Variants in ZNF419 observed in about 807,000 individuals in gnomAD.
ZNF419 encodes zinc finger protein 419A.
Under a neutral mutation model 14.9 loss-of-function variants are expected in ZNF419, and 8 were observed. The observed-to-expected ratio is 0.54, with a 90% CI of 0.32 to 0.97. The LOEUF is 0.97. Among genes scored for constraint, ZNF419 ranks in the 50% least tolerant of loss-of-function variants. The pLI, the probability that ZNF419 is intolerant of heterozygous loss-of-function variation, is 0.04. For missense variants in ZNF419, 595 were observed against 607.2 expected (o/e 0.98, Z 0.21); for synonymous variants, 211 against 205.3 (o/e 1.03, Z -0.24).
Position 57,487,872 on chromosome 19 carries a change from G to A in ZNF419, c.-79G>A, listed in dbSNP as rs573626222. ...TCTCGCCGCTCAGAGGCGGGTCTGAGGCTCGGTGGCGGCGCCCAGGGTGGC... is the reference window on the plus strand; with the variant it reads ...TCTCGCCGCTCAGAGGCGGGTCTGAAGCTCGGTGGCGGCGCCCAGGGTGGC... On this transcript the variant is annotated 5_prime_UTR_variant, in exon 1 of 5. Coordinates refer to ENST00000221735, the MANE Select transcript of ZNF419 (RefSeq NM_024691.4). 5 of 1,602,824 alleles carry A rather than the reference G, an allele frequency of 3.1e-6. No individual in the cohort carries two copies. In the African/African-American group the frequency reaches 6.7e-5, roughly 21 times the overall value.
At chr19:57,490,647 A>G (rs1490039267) in intron 2 of ZNF419, 2 of 156,382 alleles carry the variant, frequency 1.3e-5, no homozygotes, top group African/African-American at 4.8e-5. Context: ...ACCGTGCCCA[A>G]CCCAGACTAT....
intron 2 of ZNF419, chr19:57,491,261 C>T (rs2089474202): frequency 1.5e-6 from 1 of 647,604 alleles, no homozygotes; most frequent in Admixed American, 2.9e-5. Context: ...CATACCATGC[C>T]CAGAGCTGAG....
intron 2 of ZNF419, 143 bp downstream of exon 2, chr19:57,490,328 G>C (rs2089453905): frequency 4.4e-6 from 3 of 675,474 alleles, no homozygotes; most frequent in Middle Eastern, 4.0e-4. Flanking sequence ...CACACAGTCA[G>C]GGCCCTGAGT....
At chr19:57,489,907 A>T (rs1487202604) in intron 1 of ZNF419, 2 of 526,834 alleles carry the variant, frequency 3.8e-6, no homozygotes, top group South Asian at 4.5e-5. Flanking sequence ...AATGAGTTTG[A>T]TACAAACAAT....
intron 4 of ZNF419, chr19:57,492,474 G>A (rs368018985): frequency 6.8e-5 from 52 of 766,710 alleles, no homozygotes; most frequent in Non-Finnish European, 2.4e-5. Context: ...GCTTATCCTT[G>A]CATAGTCCTT....
intron 4 of ZNF419, 33 bp from the exon 5 acceptor site, chr19:57,492,823 A>G (rs1600138127): frequency 6.2e-7 from 1 of 1,613,546 alleles, no homozygotes; most frequent in East Asian, 2.2e-5. Context: ...ACCAAAGTCT[A>G]CATTTACTTC....
chr19:57,492,079 C>T (rs1234189533), intron 3 of ZNF419, 34 bp from the exon 4 acceptor site: 1 of 1,533,474 alleles, frequency 6.5e-7, no homozygotes, highest in East Asian at 2.3e-5. Context: ...GTCATTCTGG[C>T]TCAGTGCTGC....
chr19:57,488,015 A>G (rs2089397585), intron 1 of ZNF419, 32 bp downstream of exon 1: 1 of 1,613,010 alleles, frequency 6.2e-7, no homozygotes, highest in Admixed American at 1.7e-5. Flanking sequence ...CCTCCCCCGA[A>G]TCCTAAAGCC....
intron 2 of ZNF419, chr19:57,491,211 T>C (rs1324201443): frequency 3.7e-6 from 2 of 541,946 alleles, no homozygotes; most frequent in Non-Finnish European, 6.6e-6. Flanking sequence ...GTCTAGGGGA[T>C]CCAAGGTAAA....
intron 1 of ZNF419, chr19:57,489,897 A>G (rs1426393435): frequency 5.9e-6 from 3 of 509,764 alleles, no homozygotes; most frequent in Non-Finnish European, 1.1e-5. Flanking sequence ...GACACATAAG[A>G]ATGAGTTTGA....
Position 57,495,356 on chromosome 19 carries a change from C to G in ZNF419, c.*1266C>G, listed in dbSNP as rs2089595630. The stretch of plus-strand genomic sequence containing the variant: ...GCAGATTGTCTTAATTTTATGGAGC[C>G]CAATTTATCCATTTGTTATTTTATT... On this transcript the variant is annotated 3_prime_UTR_variant, in exon 5 of 5. Coordinates refer to ENST00000221735, the MANE Select transcript of ZNF419 (RefSeq NM_024691.4). 6.6e-6 allele frequency: 1 copy of G among 152,092 alleles called. No individual in the cohort carries two copies. The highest frequency in any genetic ancestry group is 1.5e-5 in the Non-Finnish European group (1 of 68,022). 9.4% of individuals were successfully genotyped at this position (152,092 alleles called of 1,614,324 possible).
Position 57,493,283 on chromosome 19 carries a change from T to C in ZNF419, c.726T>C (p.Asp242=). The change falls in exon 5 of 5, where the codon GAT becomes GAC. Residue 242 remains aspartate (D), a synonymous_variant. Coordinates refer to ENST00000221735, the MANE Select transcript of ZNF419 (RefSeq NM_024691.4). ...ECSECGKLFR[D]MSNLFIHQIV... The stretch of plus-strand genomic sequence containing the variant: ...GTGAATGTGGGAAGTTATTTAGAGA[T>C]ATGTCCAACCTTTTTATACACCAAA... 1 of 1,614,182 alleles carries C rather than the reference T, an allele frequency of 6.2e-7. No homozygotes were observed. Among genetic ancestry groups the C allele is most frequent in the African/African-American group, 1.3e-5 (1 of 75,030 alleles).
In ZNF419 at chr19:57,494,186, G is replaced by C. The variant is rs543927593; in HGVS notation, c.*96G>C. On this transcript the variant is annotated 3_prime_UTR_variant, in exon 5 of 5. Transcript: ENST00000221735. ...GAAGGTAACAGATGGAAATCCGTTA[G>C]CCACACCTCCAGTCTCATTCAACAC... 1.3e-6 allele frequency: 2 copies of C among 1,482,094 alleles called. No individual in the cohort carries two copies. The highest frequency in any genetic ancestry group is 2.3e-5 in the East Asian group (1 of 44,128). The allele number at this position is 1,482,094 out of a possible 1,614,324, so 91.8% of individuals were successfully genotyped here. A position where few individuals can be genotyped will look rare whatever the true frequency, so the allele number is the denominator to read the frequency against.
At chr19:57,490,229 C>A in intron 2 of ZNF419, 44 bp downstream of exon 2, 2 of 1,583,848 alleles carry the variant, frequency 1.3e-6, no homozygotes, top group Non-Finnish European at 1.7e-6. Context: ...TGCACTCCTA[C>A]CTACATGGTC....
chr19:57,488,802 G>A (rs1224330253), intron 1 of ZNF419: 3 of 152,206 alleles, frequency 2.0e-5, no homozygotes, highest in African/African-American at 4.8e-5. Flanking sequence ...TCCTATTTAG[G>A]AGGGAGAATC....
chr19:57,492,904 C>T lies in ZNF419; in HGVS notation c.347C>T (p.Ser116Phe), dbSNP rs761396804. The change falls in exon 5 of 5, where the codon TCT becomes TTT. Residue 116 changes from serine (S) to phenylalanine (F), a missense_variant. Transcript: ENST00000221735. ...EAEEAPEQIA[S>F]VGLLSSNIQQ... ...GAGGAGGCTCCTGAGCAGATTGCTT[C>T]TGTAGGACTGCTCAGTTCAAACATT... The T allele has an allele frequency of 2.5e-6, 4 of 1,614,134 alleles. No homozygotes were observed. The highest frequency in any genetic ancestry group is 3.4e-6 in the Non-Finnish European group (4 of 1,179,974).
At position 57,495,779 on chromosome 19, in the gene ZNF419, G is replaced by A. The variant is rs1371738651; in HGVS notation, c.*1689G>A. On this transcript the variant is annotated 3_prime_UTR_variant, in exon 5 of 5. Coordinates refer to ENST00000221735, the MANE Select transcript of ZNF419 (RefSeq NM_024691.4). Reference sequence around the variant, plus strand: ...AAAAAAAAAAAAAAAAGCCTTATGTGAGTATGCTACTGTAATCTTATGAAT... The same window carrying A: ...AAAAAAAAAAAAAAAAGCCTTATGTAAGTATGCTACTGTAATCTTATGAAT... 1 of 134,802 alleles carries A rather than the reference G, an allele frequency of 7.4e-6. No homozygotes were observed. Among genetic ancestry groups the A allele is most frequent in the Non-Finnish European group, 1.5e-5 (1 of 64,872 alleles). The allele number at this position is 134,802 out of a possible 1,614,324, so 8.4% of individuals were successfully genotyped here.
At position 57,487,822 on chromosome 19, in the gene ZNF419, A is replaced by G; in HGVS notation, c.-129A>G. The G allele has an allele frequency of 1.5e-6, 2 of 1,377,138 alleles. No homozygotes were observed. The highest frequency in any genetic ancestry group is 1.8e-4 in the Middle Eastern group (1 of 5,548). The allele number at this position is 1,377,138 out of a possible 1,614,324, so 85.3% of individuals were successfully genotyped here. A position where few individuals can be genotyped will look rare whatever the true frequency, so the allele number is the denominator to read the frequency against. On this transcript the variant is annotated 5_prime_UTR_variant, in exon 1 of 5. Transcript: ENST00000221735. ...TGTGCGCTGAGGCGACCAGCGCCGG[A>G]AGGCACGGTGGCGACTCACGCTGTT... is the stretch of plus-strand genomic sequence containing the variant.
chr19:57,491,369 G>C (rs536835947), intron 2 of ZNF419, 102 bp from the exon 3 acceptor site: 7 of 1,544,710 alleles, frequency 4.5e-6, no homozygotes, highest in Non-Finnish European at 4.4e-6. Context: ...CCTCTGAGAT[G>C]GGGATTAAGG....
Sources: allele counts gnomAD v4.1 joint callset, GRCh38; gene constraint gnomAD v4.1.1; transcripts MANE v1.5; gene names NCBI Gene and HGNC (gene_info 2026-07-23, HGNC 2026-07-21).